Variants in DCAF1 observed in about 807,000 individuals in gnomAD.
The protein encoded by DCAF1 is DDB1 and CUL4 associated factor 1.
Under a neutral mutation model 128.0 loss-of-function variants are expected in DCAF1, and 15 were observed. The observed-to-expected ratio is 0.12, with a 90% CI of 0.08 to 0.18. The LOEUF (loss-of-function observed/expected upper bound fraction) is 0.18, where lower values mean the gene tolerates loss of function less well. DCAF1 is among the 10% of genes least tolerant of loss of function. DCAF1 has a pLI of 1.00. For synonymous variants in DCAF1, 610 were observed against 603.0 expected (o/e 1.01, Z -0.17); for missense variants, 988 against 1,649.5 (o/e 0.60, Z 6.95).
In DCAF1 at chr3:51,420,861, G is replaced by T; in HGVS notation, c.2109C>A (p.Ile703=). The change falls in exon 15 of 25, where the codon ATC becomes ATA. Residue 703 remains isoleucine (I), a synonymous_variant. Transcript: ENST00000684031. This position sits in a 1 kb window ranked among gnomAD's most constrained non-coding sequence, Gnocchi z 6.5. ...DNRISSIGKF[I]SGTPRRKLPQ... ...GCAGCTTTCTCCGAGGAGTACCAGA[G>T]ATAAATTTACCAATACTGGATATTC... 6.2e-7 allele frequency: 1 copy of T among 1,613,996 alleles called. No homozygotes were observed.
intron 10 of DCAF1, 71 bp downstream of exon 10, chr3:51,433,035 G>A (rs1700525994): frequency 2.5e-6 from 1 of 397,668 alleles, no homozygotes; most frequent in African/African-American, 2.1e-5. Flanking sequence ...AAGTCATTCT[G>A]CGAATGTGAT....
chr3:51,407,313 TA>T (rs1479931240), intron 23 of DCAF1, among the ~76,000 whole-genome samples: 4 of 152,378 alleles, frequency 2.6e-5, no homozygotes, highest in African/African-American at 9.6e-5. Context: ...TTTAGGGTCA[TA>T]AATGTTTGTT....
At chr3:51,410,193 C>T (rs553688917) in intron 23 of DCAF1, among the ~76,000 whole-genome samples, 1 of 152,334 alleles carries the variant, frequency 6.6e-6, no homozygotes, top group East Asian at 1.9e-4. Flanking sequence ...GAAGGCTCTG[C>T]TCTGATCCCA....
At chr3:51,421,930 T>C (rs1699430296) in intron 14 of DCAF1, among the ~76,000 whole-genome samples, 1 of 152,198 alleles carries the variant, frequency 6.6e-6, no homozygotes, top group Admixed American at 6.5e-5. Flanking sequence ...AGTTTTTTAC[T>C]ATCTGCCTCA....
intron 10 of DCAF1, among the ~76,000 whole-genome samples, chr3:51,431,129 T>C (rs895927347): frequency 2.4e-4 from 36 of 152,096 alleles, no homozygotes; most frequent in Non-Finnish European, 4.6e-4. Flanking sequence ...ATCATGCCAC[T>C]GGACTCCAGC....
chr3:51,482,142 G>A (rs1375535328), intron 3 of DCAF1, among the ~76,000 whole-genome samples: 2 of 151,586 alleles, frequency 1.3e-5, no homozygotes, highest in Non-Finnish European at 2.9e-5. Context: ...GTCTGTTTCA[G>A]GTATCTGTAG....
upstream of DCAF1, among the ~76,000 whole-genome samples, chr3:51,502,275 C>T (rs1553664521): frequency 6.6e-6 from 1 of 152,160 alleles, no homozygotes; most frequent in Non-Finnish European, 1.5e-5. Flanking sequence ...CACTGTGGCT[C>T]ATGCCTGTAA....
At chr3:51,433,861 A>G (rs1382083735) in intron 9 of DCAF1, among the ~76,000 whole-genome samples, 1 of 150,488 alleles carries the variant, frequency 6.6e-6, no homozygotes, top group African/African-American at 2.4e-5. Context: ...TAGGCAGATC[A>G]CTTGAGGTCA....
intron 15 of DCAF1, 50 bp from the exon 16 acceptor site, chr3:51,418,926 G>GA (rs1428689339): frequency 2.6e-6 from 4 of 1,519,912 alleles, no homozygotes; most frequent in Non-Finnish European, 3.5e-6. Flanking sequence ...CAGGGACTCA[G>GA]AAAAAGCAAA....
chr3:51,399,758 G>A (rs1244281390), intron 24 of DCAF1, among the ~76,000 whole-genome samples: 1 of 152,048 alleles, frequency 6.6e-6, no homozygotes, highest in Non-Finnish European at 1.5e-5. Flanking sequence ...TTGATTACTC[G>A]TAGCTCAGGA....
intron 5 of DCAF1, among the ~76,000 whole-genome samples, chr3:51,463,904 G>C (rs1577232827): frequency 6.6e-6 from 1 of 152,170 alleles, no homozygotes; most frequent in Non-Finnish European, 1.5e-5. Flanking sequence ...ACTTAGGCTG[G>C]AGTGCAGTGG....
intron 24 of DCAF1, among the ~76,000 whole-genome samples, chr3:51,399,789 T>G (rs1326378272): frequency 6.6e-6 from 1 of 152,090 alleles, no homozygotes; most frequent in Non-Finnish European, 1.5e-5. Flanking sequence ...CCATTTTACC[T>G]AGGTCCCCCA....
At chr3:51,440,449 T>C (rs186722760) in intron 9 of DCAF1, among the ~76,000 whole-genome samples, 1 of 151,918 alleles carries the variant, frequency 6.6e-6, no homozygotes, top group East Asian at 1.9e-4. Flanking sequence ...TCTATAAAAA[T>C]TTTTTTTAAA....
upstream of DCAF1, among the ~76,000 whole-genome samples, chr3:51,503,535 G>T (rs1553664765): frequency 6.6e-6 from 1 of 152,106 alleles, no homozygotes; most frequent in African/African-American, 2.4e-5. Context: ...GCTGGGAAGT[G>T]AGGTCAGCTG....
At chr3:51,437,266 CAAA>C (rs71633071) in intron 9 of DCAF1, 11,337 of 242,658 alleles carry the variant, frequency 0.047, no homozygotes, top group South Asian at 0.058. Flanking sequence ...GACTCCATGT[CAAA>C]AAAAAAAAAA....
At chr3:51,433,022 CAA>C (rs1700524620) in intron 10 of DCAF1, 82 bp downstream of exon 10, 1 of 397,134 alleles carries the variant, frequency 2.5e-6, no homozygotes, top group African/African-American at 2.1e-5. Context: ...TTTTCTTATC[CAA>C]AAGTCATTCT....
intron 2 of DCAF1, among the ~76,000 whole-genome samples, chr3:51,486,214 T>A (rs1227181470): frequency 6.9e-6 from 1 of 144,134 alleles, no homozygotes; most frequent in Non-Finnish European, 1.5e-5. Flanking sequence ...TTTTTTTTTT[T>A]AAGGATCTCA....
At position 51,463,189 on chromosome 3, in the gene DCAF1, A is replaced by T. The variant is rs1425580517; in HGVS notation, c.300T>A (p.Pro100=). The T allele has an allele frequency of 6.3e-7, 1 of 1,594,396 alleles. No homozygotes were observed. The highest frequency in any genetic ancestry group is 1.7e-5 in the Admixed American group (1 of 57,588). The change falls in exon 6 of 25, where the codon CCT becomes CCA. Residue 100 remains proline, a synonymous_variant. Transcript: ENST00000684031. ...NAYVMTSREP[P]LNTAACRLLL... is the part of the protein sequence containing the mutation. ...GGAGTCTGCAAGCTGCAGTGTTTAA[A>T]GGGGGCTCTCGGCTTGTCATCACAT...
chr3:51,483,560 T>C (rs1706521688), intron 3 of DCAF1, among the ~76,000 whole-genome samples, 159 bp downstream of exon 3: 1 of 151,786 alleles, frequency 6.6e-6, no homozygotes, highest in South Asian at 2.1e-4. Flanking sequence ...TAGGTGAAAA[T>C]GTTCCTATGC....
Sources: gnomAD v4.1 joint callset for allele counts (sites outside exome capture counted in the v4.1 genomes callset) on GRCh38, gnomAD v4.1.1 for gene constraint, Gnocchi (gnomAD v3.1) non-coding constraint, MANE v1.5 for transcripts, NCBI Gene and HGNC (gene_info 2026-07-23, HGNC 2026-07-21) for gene names.